DGKH: variants seen among roughly 807,000 people sequenced by gnomAD.
DGKH encodes the protein diacylglycerol kinase eta.
Under a neutral mutation model 159.3 loss-of-function variants are expected in DGKH, and 90 were observed. The ratio of observed to expected loss-of-function variants is 0.57; its 90% CI spans 0.48 to 0.67. The LOEUF (loss-of-function observed/expected upper bound fraction) is 0.67, where lower values mean the gene tolerates loss of function less well. Ranked by LOEUF, DGKH falls within the 30% of genes least tolerant of loss-of-function variation. The probability of loss-of-function intolerance (pLI) is 0.00; values close to 1 mark genes in which losing one functional copy is unlikely to be tolerated. For synonymous variants in DGKH, 536 were observed against 553.8 expected (o/e 0.97, Z 0.45); for missense variants, 1,181 against 1,506.1 (o/e 0.78, Z 3.57).
chr13:42,207,011 CTTTCTTTCTTTCTT>C (rs1957497584), intron 21 of DGKH, among the ~76,000 whole-genome samples: 1 of 138,714 alleles, frequency 7.2e-6, no homozygotes, highest in Non-Finnish European at 1.5e-5. Flanking sequence ...TTCTTTCTTT[CTTTCTTTCTTTCTT>C]TTTCTTTCTT....
intron 1 of DGKH, among the ~76,000 whole-genome samples, chr13:42,123,330 C>T (rs1016432762): frequency 2.6e-5 from 4 of 151,812 alleles, no homozygotes; most frequent in Middle Eastern, 3.4e-3. Flanking sequence ...AAATTAGTAA[C>T]AGAACAACTG....
chr13:42,072,864 C>T (rs956100397), intron 1 of DGKH, among the ~76,000 whole-genome samples: 7 of 152,216 alleles, frequency 4.6e-5, no homozygotes, highest in African/African-American at 1.4e-4. Flanking sequence ...CACCCCCAAC[C>T]TGGCATGCCC....
At chr13:42,088,781 C>T (rs958793141) in intron 1 of DGKH, among the ~76,000 whole-genome samples, 2 of 152,134 alleles carry the variant, frequency 1.3e-5, no homozygotes, top group African/African-American at 4.8e-5. Flanking sequence ...TTGATAATCA[C>T]ATTAATTGTA....
chr13:42,107,546 G>A (rs1003333660), intron 1 of DGKH, among the ~76,000 whole-genome samples: 5 of 152,196 alleles, frequency 3.3e-5, no homozygotes, highest in Non-Finnish European at 7.3e-5. Flanking sequence ...TGGAGGGAGG[G>A]AGGGAGTATG....
downstream of DGKH, among the ~76,000 whole-genome samples, chr13:42,246,188 C>T (rs1958578624): frequency 6.6e-6 from 1 of 152,178 alleles, no homozygotes; most frequent in Admixed American, 6.5e-5. Context: ...TCTTGTGCCA[C>T]CACCAGTACG....
rs1955432202 is a variant in DGKH, at chr13:42,137,780, T to C, written c.384+8148T>C. On this transcript the variant is annotated intron_variant, in intron 3 of 29. Coordinates refer to ENST00000337343, the MANE Select transcript of DGKH (RefSeq NM_178009.5). ...TCACAGAGGATGGTAACCATTATTA[T>C]AAAAAAGGTCTGGGAATCCTGGGAT... is the stretch of plus-strand genomic sequence containing the variant. Among the ~76,000 whole-genome samples the C allele has an allele frequency of 1.3e-5, 2 of 152,302 alleles. 1 individual carries two copies. The highest frequency in any genetic ancestry group is 6.8e-3 in the Middle Eastern group (2 of 294).
chr13:42,082,221 A>G (rs1274555554), intron 1 of DGKH, among the ~76,000 whole-genome samples: 2 of 151,744 alleles, frequency 1.3e-5, no homozygotes, highest in Non-Finnish European at 2.9e-5. Flanking sequence ...TTGACACCCC[A>G]CACTTGTCTA....
rs1956201541 is a variant in DGKH, at chr13:42,162,258, C to T, written c.855+2122C>T. ...TGGTGCAGTGGCTCATGCCTGTAAT[C>T]CCAGCACCTTGGGAGGCCAAGGCAT... is the stretch of plus-strand genomic sequence containing the variant. On this transcript the variant is annotated intron_variant, in intron 7 of 29. Coordinates refer to ENST00000337343, the MANE Select transcript of DGKH (RefSeq NM_178009.5). 2.6e-5 allele frequency among the ~76,000 whole-genome samples: 4 copies of T among 152,316 alleles called. No individual in the cohort carries two copies. The South Asian group carries it at 8.3e-4, about 32-fold the overall frequency.
chr13:42,251,712 C>T (rs1055283590), intron 29 of DGKH, among the ~76,000 whole-genome samples: 1 of 152,182 alleles, frequency 6.6e-6, no homozygotes, highest in Non-Finnish European at 1.5e-5. Context: ...ACCTGTGAAC[C>T]TTCTACTCAT....
At chr13:42,167,565 C>G (rs563020517) in intron 9 of DGKH, among the ~76,000 whole-genome samples, 1 of 152,100 alleles carries the variant, frequency 6.6e-6, no homozygotes, top group Non-Finnish European at 1.5e-5. Flanking sequence ...AAGTCTCAGG[C>G]CCTTCTGGTC....
chr13:42,227,688 TA>T (rs1383267241), intron 29 of DGKH, among the ~76,000 whole-genome samples: 1 of 152,224 alleles, frequency 6.6e-6, no homozygotes, highest in African/African-American at 2.4e-5. Flanking sequence ...CTGAGTCAGT[TA>T]AATATTTATG....
chr13:42,129,017 A>T (rs1955231923), intron 2 of DGKH, among the ~76,000 whole-genome samples: 1 of 152,212 alleles, frequency 6.6e-6, no homozygotes, highest in Admixed American at 6.5e-5. Flanking sequence ...GCTACCTTGG[A>T]TGTTAAGAGT....
intron 1 of DGKH, among the ~76,000 whole-genome samples, chr13:42,093,270 A>C (rs1414928246): frequency 6.6e-6 from 1 of 151,902 alleles, no homozygotes; most frequent in African/African-American, 2.4e-5. Flanking sequence ...GATGCTCAAC[A>C]TCAGTAATCA....
At chr13:42,188,466 C>G (rs1288804984) in intron 14 of DGKH, among the ~76,000 whole-genome samples, 1 of 152,164 alleles carries the variant, frequency 6.6e-6, no homozygotes, top group African/African-American at 2.4e-5. Context: ...TTGTTCACTC[C>G]TTTGCAAACC....
intron 7 of DGKH, among the ~76,000 whole-genome samples, chr13:42,161,636 T>C (rs902060090): frequency 7.9e-5 from 12 of 151,432 alleles, no homozygotes; most frequent in African/African-American, 2.9e-4. Flanking sequence ...AAAAATTAGC[T>C]GGGCGTGGTG....
intron 1 of DGKH, among the ~76,000 whole-genome samples, chr13:42,123,588 A>G (rs1052151079): frequency 6.6e-6 from 1 of 152,222 alleles, no homozygotes; most frequent in Non-Finnish European, 1.5e-5. Flanking sequence ...TGCAAATCAC[A>G]TATTAGATAA....
intron 3 of DGKH, among the ~76,000 whole-genome samples, chr13:42,143,784 C>T (rs1434359821): frequency 6.6e-6 from 1 of 151,952 alleles, no homozygotes; most frequent in Non-Finnish European, 1.5e-5. Flanking sequence ...TTTGATTCTT[C>T]TCTCTTTTTT....
chr13:42,198,490 G>C lies in DGKH; in HGVS notation c.2180G>C (p.Gly727Ala). ...TRIICPGLRA[G>A]LAASIAGSSI... ...CTTTTCTTTCCAGGTTTAAGAGCAG[G>C]ACTGGCTGCCTCAATTGCTGGGAGT... The change falls in exon 18 of 30, where the codon GGA becomes GCA. Residue 727 changes from glycine to alanine, a missense_variant. Physicochemically the swap from Gly to Ala is moderately conservative, Grantham distance 60. Around this residue, in one of 5 missense-constraint regions of DGKH, gnomAD observed 257 missense variants for 281.5 expected, o/e 0.91. Transcript: ENST00000337343. The C allele has an allele frequency of 6.2e-7, 1 of 1,613,678 alleles. No homozygotes were observed. The highest frequency in any genetic ancestry group is 8.5e-7 in the Non-Finnish European group (1 of 1,179,764).
At chr13:42,104,316 C>T (rs1426768236) in intron 1 of DGKH, among the ~76,000 whole-genome samples, 1 of 152,182 alleles carries the variant, frequency 6.6e-6, no homozygotes, top group African/African-American at 2.4e-5. Context: ...ACTGGGTCAC[C>T]ACTTCCAGGT....
Sources: allele counts gnomAD v4.1 joint callset (sites outside exome capture counted in the v4.1 genomes callset), GRCh38; gene constraint gnomAD v4.1.1; regional missense constraint gnomAD v4.1.1; transcripts MANE v1.5; gene names NCBI Gene and HGNC (gene_info 2026-07-23, HGNC 2026-07-21).